Variants in SYT1 observed in about 807,000 individuals in gnomAD.
SYT1 encodes the protein synaptotagmin-1.
A neutral mutation model predicts 44.8 loss-of-function variants in SYT1; 8 were observed. The ratio of observed to expected loss-of-function variants is 0.18; its 90% CI spans 0.10 to 0.32. The LOEUF is 0.32. Ranked by LOEUF, SYT1 falls within the 10% of genes least tolerant of loss-of-function variation. The pLI is 1.00. For missense variants in SYT1, 286 were observed against 509.3 expected, an observed-to-expected ratio of 0.56 and a Z score of 4.22; for synonymous variants, 154 against 188.8, an observed-to-expected ratio of 0.82 and a Z score of 1.51.
At chr12:79,243,653 A>G (rs908919039) in intron 4 of SYT1, among the ~76,000 whole-genome samples, 1 of 152,164 alleles carries the variant, frequency 6.6e-6, no homozygotes, top group African/African-American at 2.4e-5. Flanking sequence ...GTCACTTTAA[A>G]GATAGGCCTT....
chr12:79,376,041 T>G (rs1341913941), intron 9 of SYT1, among the ~76,000 whole-genome samples: 1 of 152,226 alleles, frequency 6.6e-6, no homozygotes, highest in Non-Finnish European at 1.5e-5. Context: ...ATGTTTATTT[T>G]CTTGAGCAAG....
chr12:79,220,670 C>T (rs1275794008), intron 4 of SYT1, among the ~76,000 whole-genome samples: 3 of 151,802 alleles, frequency 2.0e-5, no homozygotes, highest in African/African-American at 7.2e-5. Context: ...TTTCCTTTTT[C>T]ATTTCTTCAG....
chr12:79,388,599 T>C (rs1367184978), intron 9 of SYT1, among the ~76,000 whole-genome samples: 3 of 151,830 alleles, frequency 2.0e-5, no homozygotes, highest in Non-Finnish European at 4.4e-5. Context: ...TAGTTCCAGC[T>C]ACAAGGGAGG....
In SYT1 at chr12:79,285,988, A is replaced by G; in HGVS notation, c.351+17A>G. 1.3e-6 allele frequency: 2 copies of G among 1,579,008 alleles called. No individual in the cohort carries two copies. Among genetic ancestry groups the G allele is most frequent in the South Asian group, 1.2e-5 (1 of 83,636 alleles). ...AAAGATCAGGTAATGTATTCTTTCT[A>G]CATTTCTTCTTATTTTGTTTAAAAA... is the stretch of plus-strand genomic sequence containing the variant. On this transcript the variant is annotated intron_variant, in intron 5 of 10. Coordinates refer to ENST00000261205, the MANE Select transcript of SYT1 (RefSeq NM_005639.3).
chr12:78,966,235 T>G (rs1368444036), intron 1 of SYT1, among the ~76,000 whole-genome samples: 1 of 152,112 alleles, frequency 6.6e-6, no homozygotes, highest in Non-Finnish European at 1.5e-5. Flanking sequence ...TTATTTGTAA[T>G]CATTTATTTG....
intron 9 of SYT1, among the ~76,000 whole-genome samples, chr12:79,426,411 C>G (rs1869452129): frequency 6.6e-6 from 1 of 151,898 alleles, no homozygotes; most frequent in African/African-American, 2.4e-5. Context: ...AAAAAAAAAA[C>G]ATATTTCACA....
chr12:79,411,001 A>G (rs1298876286), intron 9 of SYT1, among the ~76,000 whole-genome samples: 2 of 152,220 alleles, frequency 1.3e-5, no homozygotes, highest in Non-Finnish European at 2.9e-5. Context: ...AACCACAAAC[A>G]CAATTAGTCA....
At chr12:78,876,657 G>T (rs1317709420) in intron 1 of SYT1, among the ~76,000 whole-genome samples, 1 of 115,262 alleles carries the variant, frequency 8.7e-6, no homozygotes, top group African/African-American at 3.7e-5. Context: ...ATATACACAC[G>T]TGTGCACATG....
intron 3 of SYT1, among the ~76,000 whole-genome samples, chr12:79,111,990 C>T (rs1371615592): frequency 6.6e-6 from 1 of 150,754 alleles, no homozygotes; most frequent in Non-Finnish European, 1.5e-5. Flanking sequence ...AATCTTTGCC[C>T]TTGAGAGAAC....
chr12:78,930,750 T>C (rs182182894), intron 1 of SYT1, among the ~76,000 whole-genome samples: 96 of 152,094 alleles, frequency 6.3e-4, no homozygotes, highest in Non-Finnish European at 1.1e-3. Context: ...CAGCTCTTCA[T>C]GGCTTCAGGT....
Position 79,164,372 on chromosome 12 carries a change from CA to C in SYT1, c.-17-53130del, listed in dbSNP as rs1871124547. Among the ~76,000 whole-genome samples, 14 of 152,092 alleles carry C rather than the reference CA, an allele frequency of 9.2e-5. No homozygotes were observed. In the South Asian group the frequency reaches 2.9e-3, roughly 32 times the overall value. On this transcript the variant is annotated intron_variant, in intron 3 of 10. Transcript: ENST00000261205. Reference sequence around the variant, plus strand: ...ATTGCCCTCTCATTCTTCATTTTTCCATTTGCTTTTACAAAAAATGTTGCAA... The same window carrying C: ...ATTGCCCTCTCATTCTTCATTTTTCCTTTGCTTTTACAAAAAATGTTGCAA...
At chr12:79,307,407 A>G (rs1350802827) in intron 8 of SYT1, among the ~76,000 whole-genome samples, 2 of 152,206 alleles carry the variant, frequency 1.3e-5, no homozygotes, top group African/African-American at 4.8e-5. Context: ...TTCATCATAT[A>G]TTAAACCTCT....
At chr12:79,366,633 A>T (rs923548552) in intron 9 of SYT1, among the ~76,000 whole-genome samples, 1 of 152,232 alleles carries the variant, frequency 6.6e-6, no homozygotes, top group Non-Finnish European at 1.5e-5. Flanking sequence ...GGGAGCAGCA[A>T]CTGGCCCTGG....
intron 3 of SYT1, among the ~76,000 whole-genome samples, chr12:79,112,348 T>A (rs1879060516): frequency 6.6e-6 from 1 of 152,112 alleles, no homozygotes; most frequent in Non-Finnish European, 1.5e-5. Context: ...GGGGCATGTT[T>A]TGGAGAGAGC....
chr12:78,876,799 T>G lies in SYT1; in HGVS notation c.-217+11690T>G, dbSNP rs551822921. On this transcript the variant is annotated intron_variant, in intron 1 of 10. Coordinates refer to ENST00000261205, the MANE Select transcript of SYT1 (RefSeq NM_005639.3). ...TATATATTATATAATACATATAATATATTATATGTAATACATATCATATAT... is the reference window on the plus strand; with the variant it reads ...TATATATTATATAATACATATAATAGATTATATGTAATACATATCATATAT... Among the ~76,000 whole-genome samples, 59 of 61,942 alleles carry G rather than the reference T, an allele frequency of 9.5e-4. No individual in the cohort carries two copies. In the South Asian group the frequency reaches 0.013, roughly 13 times the overall value. The allele number at this position is 61,942 out of a possible 152,430, so 40.6% of individuals were successfully genotyped here.
At chr12:79,448,706 A>C (rs560853027) in intron 10 of SYT1, among the ~76,000 whole-genome samples, 1 of 152,352 alleles carries the variant, frequency 6.6e-6, no homozygotes, top group East Asian at 1.9e-4. Context: ...CTATTATGAG[A>C]AGTAACTGAG....
chr12:79,386,334 T>C (rs1884433632), intron 9 of SYT1, among the ~76,000 whole-genome samples: 1 of 151,982 alleles, frequency 6.6e-6, no homozygotes, highest in Non-Finnish European at 1.5e-5. Flanking sequence ...TTCCTTAGTA[T>C]TCATTAGTTT....
chr12:79,311,693 A>G (rs1158722928), intron 8 of SYT1, among the ~76,000 whole-genome samples: 443 of 138,000 alleles, frequency 3.2e-3, no homozygotes, highest in Non-Finnish European at 4.5e-3. Flanking sequence ...CAGCCATAAA[A>G]AATGATGAGT....
At chr12:78,871,096 G>C (rs1873798676) in intron 1 of SYT1, among the ~76,000 whole-genome samples, 1 of 152,036 alleles carries the variant, frequency 6.6e-6, no homozygotes, top group African/African-American at 2.4e-5. Context: ...AAAGCTGAAA[G>C]GATTGTTTAA....
Sources: allele counts gnomAD v4.1 joint callset (sites outside exome capture counted in the v4.1 genomes callset), GRCh38; gene constraint gnomAD v4.1.1; transcripts MANE v1.5; gene names NCBI Gene and HGNC (gene_info 2026-07-23, HGNC 2026-07-21).